The following ZBTB33 variants were observed in gnomAD, a reference collection of about 807,000 sequenced individuals.
ZBTB33 encodes zinc finger and BTB domain containing 33.
In ZBTB33, 11 loss-of-function variants were observed where a neutral mutation model predicts 25.9. The observed-to-expected ratio is 0.42, with a 90% CI of 0.27 to 0.70. The LOEUF is 0.70. Ranked by LOEUF, ZBTB33 falls within the 30% of genes least tolerant of loss-of-function variation. The pLI is 0.23. For synonymous variants in ZBTB33, 157 were observed against 184.8 expected, an observed-to-expected ratio of 0.85 and a Z score of 1.22; for missense variants, 343 against 501.1, an observed-to-expected ratio of 0.68 and a Z score of 3.01.
intron 1 of ZBTB33, among the ~76,000 whole-genome samples, chrX:120,251,315 T>A (rs1556014274): frequency 1.8e-5 from 2 of 110,075 alleles, no homozygotes; most frequent in Non-Finnish European, 3.8e-5. Flanking sequence ...TAGCCCCTAC[T>A]TTGATTTAGA....
chrX:120,253,356 A>C (rs986687344), intron 2 of ZBTB33, 58 bp from the exon 3 acceptor site: 40 of 1,006,512 alleles, frequency 4.0e-5, no homozygotes, highest in Non-Finnish European at 5.2e-5. Flanking sequence ...ATTCTAAATA[A>C]GTACTTTTGT....
rs56964237 is a variant in ZBTB33 at position 120,251,819 on chromosome X, CAT to C, written c.-105+844_-105+845del. The stretch of plus-strand genomic sequence containing the variant: ...CACCCTGAGTGGGAGGAGGGGGACA[CAT>C]AAACGAAACGAAACCGAGTCCCAGT... On this transcript the variant is annotated intron_variant, in intron 1 of 2. Transcript: ENST00000557385. Among the ~76,000 whole-genome samples, 912 of 112,248 alleles carry C rather than the reference CAT, an allele frequency of 8.1e-3. 6 individuals are homozygous for C. The highest frequency in any genetic ancestry group is 0.028 in the African/African-American group (866 of 30,876).
Position 120,257,490 on chromosome X carries a change from C to T in ZBTB33, c.*2056C>T, listed in dbSNP as rs1164091615. 8.1e-6 allele frequency: 1 copy of T among 122,868 alleles called. No individual in the cohort carries two copies. Among genetic ancestry groups the T allele is most frequent in the African/African-American group, 3.3e-5 (1 of 30,760 alleles). The allele number at this position is 122,868 out of a possible 1,213,427, so 10.1% of individuals were successfully genotyped here. A position where few individuals can be genotyped will look rare whatever the true frequency, so the allele number is the denominator to read the frequency against. On this transcript the variant is annotated 3_prime_UTR_variant, in exon 3 of 3. Transcript: ENST00000557385. ...CAAGTCTATTATGACAAACCAGGAA[C>T]TAATTCTATAATGGAAAACTATCCA...
In ZBTB33 at chrX:120,255,369, A is replaced by G. The variant is rs190526366; in HGVS notation, c.1954A>G (p.Ile652Val). The G allele has an allele frequency of 2.1e-4, 249 of 1,209,948 alleles. No individual in the cohort carries two copies. In the East Asian group the frequency reaches 6.2e-3, roughly 30 times the overall value. ...TTTTATTCAGCAGGAAAATGATTCA[A>G]TTTTTAAACAAAATGTAACAGATGG... is the stretch of plus-strand genomic sequence containing the variant. ...DIFIQQENDSIFKQNVTDGST... is the reference protein window; with the variant it reads ...DIFIQQENDSVFKQNVTDGST... Residue 652 changes from isoleucine to valine, a missense_variant, in exon 3 of 3, where the codon ATT (isoleucine) becomes GTT (valine). Physicochemically the swap from Ile to Val is conservative, Grantham distance 29 (BLOSUM62 3). Transcript: ENST00000557385.
Position 120,254,331 on chromosome X carries a change from A to G in ZBTB33, c.916A>G (p.Ile306Val). Residue 306 changes from isoleucine (I) to valine (V), a missense_variant, in exon 3 of 3, where the codon ATC (isoleucine) becomes GTC (valine). Physicochemically the swap from Ile to Val is conservative, Grantham distance 29. Coordinates refer to ENST00000557385, the MANE Select transcript of ZBTB33 (RefSeq NM_001184742.2). ...SSLPNHMPSS[I>V]NLLVQNQQTP... ...ACTTCCAAATCATATGCCCTCTTCA[A>G]TCAATTTACTTGTGCAGAATCAGCA... The G allele has an allele frequency of 8.3e-7, 1 of 1,212,009 alleles. No individual in the cohort carries two copies. Among genetic ancestry groups the G allele is most frequent in the South Asian group, 1.8e-5 (1 of 57,007 alleles).
Position 120,254,362 on chromosome X carries a change from CA to C in ZBTB33, c.950del (p.Asn317ThrfsTer5). The C allele has an allele frequency of 8.3e-7, 1 of 1,211,442 alleles. No individual in the cohort carries two copies. Among genetic ancestry groups the C allele is most frequent in the Non-Finnish European group, 1.1e-6 (1 of 895,416 alleles). On this transcript the variant is annotated frameshift_variant, in exon 3 of 3. Transcript: ENST00000557385. LOFTEE classifies it high-confidence loss of function. The stretch of plus-strand genomic sequence containing the variant: ...TTACTTGTGCAGAATCAGCAGACAC[CA>C]AACAGTGCTATTTTAACAGGAAACA... ...INLLVQNQQT[P>X]NSAILTGNKA...
chrX:120,251,788 TG>T (rs1422305595), intron 1 of ZBTB33, among the ~76,000 whole-genome samples: 1 of 112,101 alleles, frequency 8.9e-6, no homozygotes, highest in Non-Finnish European at 1.9e-5. Context: ...GTGCTGTCTC[TG>T]GGGCCACCCT....
chrX:120,251,713 C>T (rs958782758), intron 1 of ZBTB33, among the ~76,000 whole-genome samples: 4 of 112,174 alleles, frequency 3.6e-5, no homozygotes, highest in Admixed American at 1.9e-4. Context: ...AAGGGTTTCA[C>T]AGTGATGTGG....
Position 120,254,142 on chromosome X carries a change from A to G in ZBTB33, c.727A>G (p.Ile243Val). The stretch of plus-strand genomic sequence containing the variant: ...CAATAACTCGCCCCCTTTAACAAAT[A>G]TCACACCTACTCAGAAACTTCCTAC... ...ASNNSPPLTN[I>V]TPTQKLPTPV... Residue 243 changes from isoleucine (I) to valine (V), a missense_variant, in exon 3 of 3, where the codon ATC (isoleucine) becomes GTC (valine). Transcript: ENST00000557385. 2.5e-6 allele frequency: 3 copies of G among 1,211,617 alleles called. No homozygotes were observed. The highest frequency in any genetic ancestry group is 3.4e-6 in the Non-Finnish European group (3 of 895,456).
chrX:120,254,644 T>C lies in ZBTB33; in HGVS notation c.1229T>C (p.Met410Thr), dbSNP rs782012980. 8.3e-7 allele frequency: 1 copy of C among 1,210,276 alleles called. No individual in the cohort carries two copies. The highest frequency in any genetic ancestry group is 3.0e-5 in the East Asian group (1 of 33,787). ...CCAGGCGTAGGATCAAAACATCTAA[T>C]GGAGGGTCAGAAGATCATTACTTTA... ...NDPGVGSKHL[M>T]EGQKIITLDT... The change falls in exon 3 of 3, where the codon ATG becomes ACG. Residue 410 changes from methionine to threonine, a missense_variant. Met to Thr is a moderately conservative substitution (Grantham distance 81). This residue lies in a region of ZBTB33 where 304 missense variants were observed against 410.0 expected (regional missense o/e 0.74). Transcript: ENST00000557385.
Position 120,254,757 on chromosome X carries a change from G to A in ZBTB33, c.1342G>A (p.Val448Ile), listed in dbSNP as rs1032127603. The A allele has an allele frequency of 1.7e-6, 2 of 1,210,011 alleles. No homozygotes were observed. Among genetic ancestry groups the A allele is most frequent in the African/African-American group, 3.5e-5 (2 of 57,205 alleles). The change falls in exon 3 of 3, where the codon GTC (valine) becomes ATC (isoleucine). Residue 448 changes from valine (V) to isoleucine (I), a missense_variant. Val to Ile is a conservative substitution (Grantham distance 29, BLOSUM62 3). Transcript: ENST00000557385. ...GEDTYDIVIPVKDDPDEGEAR... is the reference protein window; with the variant it reads ...GEDTYDIVIPIKDDPDEGEAR... ...AGATACTTATGATATAGTGATCCCT[G>A]TCAAAGATGACCCTGATGAAGGGGA...
chrX:120,254,673 A>G lies in ZBTB33; in HGVS notation c.1258A>G (p.Thr420Ala). The part of the protein sequence containing the change: ...MEGQKIITLD[T>A]ATEIEGLSTG... ...GGGTCAGAAGATCATTACTTTAGATACAGCTACTGAAATTGAAGGCTTATC... is the reference window on the plus strand; with the variant it reads ...GGGTCAGAAGATCATTACTTTAGATGCAGCTACTGAAATTGAAGGCTTATC... The change falls in exon 3 of 3, where the codon ACA (threonine) becomes GCA (alanine). Residue 420 changes from threonine (T) to alanine (A), a missense_variant. Thr to Ala is a moderately conservative substitution (Grantham distance 58, BLOSUM62 0). Transcript: ENST00000557385. The G allele has an allele frequency of 8.2e-7, 1 of 1,212,166 alleles. No homozygotes were observed. The highest frequency in any genetic ancestry group is 1.1e-6 in the Non-Finnish European group (1 of 895,585).
chrX:120,254,046 A>G lies in ZBTB33; in HGVS notation c.631A>G (p.Asn211Asp), dbSNP rs782605695. Residue 211 changes from asparagine (N) to aspartate (D), a missense_variant, in exon 3 of 3, where the codon AAT (asparagine) becomes GAT (aspartate). By Grantham distance (23) the Asn-to-Asp change is conservative. This residue lies in a region of ZBTB33 where 304 missense variants were observed against 410.0 expected (regional missense o/e 0.74). Coordinates refer to ENST00000557385, the MANE Select transcript of ZBTB33 (RefSeq NM_001184742.2). ...GCCCACAAAGGAGACTTTGCCGAGTAATAACACAGTGGCACAGGTCCAATC... is the reference window on the plus strand; with the variant it reads ...GCCCACAAAGGAGACTTTGCCGAGTGATAACACAGTGGCACAGGTCCAATC... ...ILPTKETLPS[N>D]NTVAQVQSNP... 15 of 1,208,658 alleles carry G rather than the reference A, an allele frequency of 1.2e-5. No individual in the cohort carries two copies. The highest frequency in any genetic ancestry group is 1.7e-5 in the Non-Finnish European group (15 of 894,417).
Position 120,255,426 on chromosome X carries a change from T to G in ZBTB33, c.2011T>G (p.Ser671Ala). The G allele has an allele frequency of 9.2e-6, 11 of 1,195,372 alleles. No homozygotes were observed. Among genetic ancestry groups the G allele is most frequent in the Non-Finnish European group, 1.2e-5 (11 of 885,040 alleles). Residue 671 changes from serine (S) to alanine (A), a missense_variant, in exon 3 of 3, where the codon TCT (serine) becomes GCT (alanine). Physicochemically the swap from Ser to Ala is moderately conservative, Grantham distance 99 (BLOSUM62 1). Transcript: ENST00000557385. ...STEFEFIIPE[S>A]Y is the part of the protein sequence containing the mutation. ...TGAGTTTGAATTTATAATACCAGAGTCTTACTAAACTCCTTTGAAATACTA... is the reference window on the plus strand; with the variant it reads ...TGAGTTTGAATTTATAATACCAGAGGCTTACTAAACTCCTTTGAAATACTA...
At chrX:120,251,607 T>G (rs1176895046) in intron 1 of ZBTB33, among the ~76,000 whole-genome samples, 1 of 111,874 alleles carries the variant, frequency 8.9e-6, no homozygotes, top group African/African-American at 3.3e-5. Context: ...GAGGTTCAGC[T>G]GCCGCAGGGA....
At position 120,254,508 on chromosome X, in the gene ZBTB33, A is replaced by G. The variant is rs782560072; in HGVS notation, c.1093A>G (p.Thr365Ala). ...LVPQADTSQN[T>A]SFDGSLIQKM... ...CCCACAGGCTGATACCTCCCAAAATACCAGTTTTGATGGATCATTAATACA... is the reference window on the plus strand; with the variant it reads ...CCCACAGGCTGATACCTCCCAAAATGCCAGTTTTGATGGATCATTAATACA... Residue 365 changes from threonine to alanine, a missense_variant, in exon 3 of 3, where the codon ACC (threonine) becomes GCC (alanine). By Grantham distance (58) the Thr-to-Ala change is moderately conservative (BLOSUM62 0). Transcript: ENST00000557385. 1.2e-5 allele frequency: 14 copies of G among 1,210,191 alleles called. No homozygotes were observed. In the South Asian group the frequency reaches 2.5e-4, roughly 21 times the overall value.
chrX:120,256,166 A>T lies in ZBTB33; in HGVS notation c.*732A>T, dbSNP rs2057636800. 8.1e-6 allele frequency: 1 copy of T among 123,451 alleles called. No homozygotes were observed. Among genetic ancestry groups the T allele is most frequent in the East Asian group, 2.8e-4 (1 of 3,614 alleles). 10.2% of individuals were successfully genotyped at this position (123,451 alleles called of 1,213,427 possible). ...ATGAAAACAATCTCTGTAATGGCAG[A>T]TAGGAGGAGATGAAAAGTTCTGTTG... On this transcript the variant is annotated 3_prime_UTR_variant, in exon 3 of 3. Transcript: ENST00000557385.
At position 120,255,181 on chromosome X, in the gene ZBTB33, GCAGGTCTTTACAAAT is replaced by G; in HGVS notation, c.1770_1784del (p.Ser591_Arg595del). ...TCAAAGCTTTATCGTTTACATCCAT[GCAGGTCTTTACAAAT>G]CAGACAATATGCATATCTTTCCGAT... On this transcript the variant is annotated inframe_deletion, in exon 3 of 3. Coordinates refer to ENST00000557385, the MANE Select transcript of ZBTB33 (RefSeq NM_001184742.2). 1 of 1,211,552 alleles carries G rather than the reference GCAGGTCTTTACAAAT, an allele frequency of 8.3e-7. No individual in the cohort carries two copies. The highest frequency in any genetic ancestry group is 1.1e-6 in the Non-Finnish European group (1 of 895,419).
intron 1 of ZBTB33, among the ~76,000 whole-genome samples, chrX:120,252,363 A>G (rs1556014495): frequency 2.7e-5 from 3 of 110,886 alleles, no homozygotes; most frequent in Non-Finnish European, 5.7e-5. Flanking sequence ...TATATTTTTA[A>G]TATATGGGTT....
Sources: allele counts gnomAD v4.1 joint callset (sites outside exome capture counted in the v4.1 genomes callset), GRCh38; gene constraint gnomAD v4.1.1; regional missense constraint gnomAD v4.1.1; transcripts MANE v1.5; gene names NCBI Gene and HGNC (gene_info 2026-07-23, HGNC 2026-07-21).